FAM20B: variants seen among roughly 807,000 people sequenced by gnomAD.
The protein encoded by FAM20B is FAM20B glycosaminoglycan xylosylkinase.
Under a neutral mutation model 43.8 loss-of-function variants are expected in FAM20B, and 23 were observed. The observed-to-expected ratio is 0.53, with a 90% CI of 0.38 to 0.74. The LOEUF is 0.74. Ranked by LOEUF, FAM20B falls within the 30% of genes least tolerant of loss-of-function variation. The probability of loss-of-function intolerance (pLI) is 0.00; values close to 1 mark genes in which losing one functional copy is unlikely to be tolerated. For missense variants in FAM20B, 440 were observed against 510.5 expected (o/e 0.86, Z 1.33); for synonymous variants, 178 against 192.4 (o/e 0.93, Z 0.62).
upstream of FAM20B, among the ~76,000 whole-genome samples, chr1:179,021,398 T>C (rs896595344): frequency 6.6e-6 from 1 of 152,250 alleles, no homozygotes; most frequent in African/African-American, 2.4e-5. Flanking sequence ...TTGTGGGAAT[T>C]AGCAATCTGG....
intron 4 of FAM20B, among the ~76,000 whole-genome samples, chr1:179,060,185 T>C (rs1297140223): frequency 6.6e-6 from 1 of 152,204 alleles, no homozygotes; most frequent in Non-Finnish European, 1.5e-5. Flanking sequence ...CTTAATAGAT[T>C]CTAGAAATCT....
intron 3 of FAM20B, among the ~76,000 whole-genome samples, chr1:179,051,707 C>A (rs1384505664): frequency 2.0e-5 from 3 of 152,118 alleles, no homozygotes; most frequent in Non-Finnish European, 4.4e-5. Flanking sequence ...AGTGCAGTAG[C>A]CTGATCTTGG....
chr1:179,069,790 C>T (rs1244964855), intron 7 of FAM20B, among the ~76,000 whole-genome samples: 5 of 152,194 alleles, frequency 3.3e-5, no homozygotes, highest in African/African-American at 1.2e-4. Context: ...ATAAAAATAA[C>T]TGTACTCCGT....
rs1202568551 is a variant in FAM20B at position 179,043,617 on chromosome 1, G to A, written c.-133-98G>A. 5 of 454,050 alleles carry A rather than the reference G, an allele frequency of 1.1e-5. 1 individual carries two copies. In the Admixed American group the frequency reaches 1.1e-4, roughly 10 times the overall value. 28.1% of individuals were successfully genotyped at this position (454,050 alleles called of 1,614,324 possible). A position where few individuals can be genotyped will look rare whatever the true frequency, so the allele number is the denominator to read the frequency against. On this transcript the variant is annotated intron_variant, in intron 1 of 7. Transcript: ENST00000263733. Reference sequence around the variant, plus strand: ...ACCTTCTTGAGCTCAAGAATAGAAAGCCTAAAAGGGTGAGTCATATATTAG... The same window carrying A: ...ACCTTCTTGAGCTCAAGAATAGAAAACCTAAAAGGGTGAGTCATATATTAG...
In FAM20B at chr1:179,074,009, T is replaced by C. The variant is rs1652039316; in HGVS notation, c.*1865T>C. 6.6e-6 allele frequency: 1 copy of C among 152,462 alleles called. No homozygotes were observed. The highest frequency in any genetic ancestry group is 2.1e-4 in the South Asian group (1 of 4,836). The allele number at this position is 152,462 out of a possible 1,614,324, so 9.4% of individuals were successfully genotyped here. A position where few individuals can be genotyped will look rare whatever the true frequency, so the allele number is the denominator to read the frequency against. Reference sequence around the variant, plus strand: ...TATAAACAGTGTGGTTGAATACATTTAATGCCAGCCATTGGAAACTAGTTT... The same window carrying C: ...TATAAACAGTGTGGTTGAATACATTCAATGCCAGCCATTGGAAACTAGTTT... On this transcript the variant is annotated 3_prime_UTR_variant, in exon 8 of 8. Transcript: ENST00000263733.
rs745645111 is a variant in FAM20B at position 179,054,613 on chromosome 1, G to A, written c.549G>A (p.Gln183=). The A allele has an allele frequency of 1.5e-5, 24 of 1,610,878 alleles. No individual in the cohort carries two copies. The highest frequency in any genetic ancestry group is 2.0e-5 in the Non-Finnish European group (23 of 1,177,494). ...AGATCAAACCTGTCGCCACAGAGCA[G>A]CTGTTGAGCACCTTCCTAACTGTAG... The part of the protein sequence containing the change: ...RTEIKPVATE[Q]LLSTFLTVGN... The change falls in exon 4 of 8, where the codon CAG becomes CAA. Residue 183 remains glutamine, a synonymous_variant. Transcript: ENST00000263733.
rs1219872985 is a variant in FAM20B, at chr1:179,054,576, A to G, written c.512A>G (p.Asn171Ser). The G allele has an allele frequency of 6.2e-7, 1 of 1,613,332 alleles. No individual in the cohort carries two copies. The highest frequency in any genetic ancestry group is 1.3e-5 in the African/African-American group (1 of 75,018). The change falls in exon 4 of 8, where the codon AAT becomes AGT. Residue 171 changes from asparagine (N) to serine (S), a missense_variant. Coordinates refer to ENST00000263733, the MANE Select transcript of FAM20B (RefSeq NM_014864.4). The part of the protein sequence containing the change: ...RAPLVVGRFV[N>S]LRTEIKPVAT... ...CCCTTGGTAGTTGGCAGATTTGTTAATCTTCGGACAGAGATCAAACCTGTC... is the reference window on the plus strand; with the variant it reads ...CCCTTGGTAGTTGGCAGATTTGTTAGTCTTCGGACAGAGATCAAACCTGTC...
chr1:179,046,219 T>C lies in FAM20B; in HGVS notation c.377+1995T>C, dbSNP rs528946503. ...ATTCTCTAAGTTTGTTTGCTTCCCATAAGTGATGACGTGGAGCACTCATCA... is the reference window on the plus strand; with the variant it reads ...ATTCTCTAAGTTTGTTTGCTTCCCACAAGTGATGACGTGGAGCACTCATCA... On this transcript the variant is annotated intron_variant, in intron 2 of 7. Transcript: ENST00000263733. Among the ~76,000 whole-genome samples the C allele has an allele frequency of 1.9e-4, 29 of 152,328 alleles. No homozygotes were observed. The South Asian group carries it at 5.6e-3, about 29-fold the overall frequency.
At chr1:179,062,402 AG>A (rs1651504833) in intron 4 of FAM20B, among the ~76,000 whole-genome samples, 2 of 152,300 alleles carry the variant, frequency 1.3e-5, no homozygotes, top group Non-Finnish European at 2.9e-5. Flanking sequence ...CTGTAATCCC[AG>A]CACTCTGGGA....
chr1:179,033,791 C>A (rs1363954431), intron 1 of FAM20B, among the ~76,000 whole-genome samples: 1 of 152,060 alleles, frequency 6.6e-6, no homozygotes. Flanking sequence ...CTCCTGGGTT[C>A]AAGCGATTCT....
At chr1:179,025,729 G>C (rs575156682), upstream of FAM20B, 10 of 151,980 alleles carry the variant, frequency 6.6e-5, no homozygotes, top group African/African-American at 1.9e-4. Context: ...TTAAGCGGAC[G>C]GGCCCGGTAT....
At chr1:179,029,005 C>T (rs1046653770) in intron 1 of FAM20B, among the ~76,000 whole-genome samples, 6 of 152,354 alleles carry the variant, frequency 3.9e-5, no homozygotes, top group Admixed American at 2.0e-4. Context: ...CACCTGGAGC[C>T]TGGCAGTAGC....
chr1:179,041,647 C>G (rs544975538), intron 1 of FAM20B, among the ~76,000 whole-genome samples: 16 of 115,992 alleles, frequency 1.4e-4, no homozygotes, highest in Admixed American at 3.1e-4. Flanking sequence ...CGTGGGGAGA[C>G]GGGAGACGGG....
chr1:179,040,753 G>A (rs1360358955), intron 1 of FAM20B, among the ~76,000 whole-genome samples: 1 of 147,426 alleles, frequency 6.8e-6, no homozygotes, highest in Non-Finnish European at 1.5e-5. Flanking sequence ...GCCTGGCGGG[G>A]GCTGACCCCC....
upstream of FAM20B, among the ~76,000 whole-genome samples, chr1:179,023,793 A>C (rs934199469): frequency 6.6e-6 from 1 of 152,110 alleles, no homozygotes; most frequent in African/African-American, 2.4e-5. Flanking sequence ...TGATTCTTTC[A>C]GTGATCACAG....
chr1:179,042,086 A>G (rs1311377832), intron 1 of FAM20B, among the ~76,000 whole-genome samples: 1 of 152,166 alleles, frequency 6.6e-6, no homozygotes, highest in African/African-American at 2.4e-5. Context: ...TCACTTTGCC[A>G]GTGAGAAACC....
chr1:179,061,418 T>C (rs905434397), intron 4 of FAM20B, among the ~76,000 whole-genome samples: 12 of 151,620 alleles, frequency 7.9e-5, no homozygotes, highest in African/African-American at 2.9e-4. Flanking sequence ...TATTTTTATT[T>C]TTTTGAGACA....
At chr1:179,018,797 C>A in the FAM20B span, among the ~76,000 whole-genome samples, 1 of 152,086 alleles carries the variant, frequency 6.6e-6, no homozygotes, top group Non-Finnish European at 1.5e-5. Context: ...ATACATATAT[C>A]TCTAGAAAGG....
the FAM20B span, among the ~76,000 whole-genome samples, chr1:179,020,326 T>C: frequency 6.6e-6 from 1 of 152,158 alleles, no homozygotes; most frequent in Non-Finnish European, 1.5e-5. Context: ...CAGGCTTCTG[T>C]ATGTCTAAGC....
Sources: gnomAD v4.1 joint callset for allele counts (sites outside exome capture counted in the v4.1 genomes callset) on GRCh38, gnomAD v4.1.1 for gene constraint, MANE v1.5 for transcripts, NCBI Gene and HGNC (gene_info 2026-07-23, HGNC 2026-07-21) for gene names.